Variants in WFIKKN2 observed in about 807,000 individuals in gnomAD.
WFIKKN2 encodes WAP, follistatin/kazal, immunoglobulin, kunitz and netrin domain containing 2.
In WFIKKN2, 25 loss-of-function variants were observed where a neutral mutation model predicts 39.2. The observed-to-expected ratio is 0.64, with a 90% CI of 0.47 to 0.89. The LOEUF (loss-of-function observed/expected upper bound fraction) is 0.89, where lower values mean the gene tolerates loss of function less well. WFIKKN2 is among the 40% of genes least tolerant of loss of function. The probability of loss-of-function intolerance (pLI) is 0.00; values close to 1 mark genes in which losing one functional copy is unlikely to be tolerated. For missense variants in WFIKKN2, 770 were observed against 811.7 expected, an observed-to-expected ratio of 0.95 and a Z score of 0.62; for synonymous variants, 345 against 329.7, an observed-to-expected ratio of 1.05 and a Z score of -0.50.
intron 1 of WFIKKN2, among the ~76,000 whole-genome samples, chr17:50,837,774 G>A (rs1338218247): frequency 6.6e-6 from 1 of 152,266 alleles, no homozygotes; most frequent in Non-Finnish European, 1.5e-5. Context: ...GTGAAAGGAA[G>A]ATAAGAAGTC....
In WFIKKN2 at chr17:50,839,965, C is replaced by T; in HGVS notation, c.677C>T (p.Thr226Ile). 6.2e-7 allele frequency: 1 copy of T among 1,614,146 alleles called. No individual in the cohort carries two copies. The highest frequency in any genetic ancestry group is 8.5e-7 in the Non-Finnish European group (1 of 1,179,968). ...CACCAGTCGGTCACCATGGGTGAGA[C>T]AGTGAGCTTCCTCTGTGATGTGGTG... ...PVHQSVTMGE[T>I]VSFLCDVVGR... The change falls in exon 2 of 2, where the codon ACA (threonine) becomes ATA (isoleucine). Residue 226 changes from threonine to isoleucine, a missense_variant. Coordinates refer to ENST00000311378, the MANE Select transcript of WFIKKN2 (RefSeq NM_175575.6).
chr17:50,837,066 G>A (rs1333571314), intron 1 of WFIKKN2, among the ~76,000 whole-genome samples: 3 of 152,210 alleles, frequency 2.0e-5, no homozygotes, highest in South Asian at 4.1e-4. Context: ...GGCCAGCACC[G>A]TGCCGGGCAC....
Position 50,840,642 on chromosome 17 carries a change from C to G in WFIKKN2, c.1354C>G (p.Gln452Glu). 6.2e-7 allele frequency: 1 copy of G among 1,614,004 alleles called. No individual in the cohort carries two copies. Among genetic ancestry groups the G allele is most frequent in the Non-Finnish European group, 8.5e-7 (1 of 1,180,024 alleles). ...GCGCTGTCGGGCCTGCAAGCCTCGG[C>G]AGAAGCTCGTTACCAGCTTCTGTCG... ...NQRCRACKPR[Q>E]KLVTSFCRSD... is the part of the protein sequence containing the mutation. Residue 452 changes from glutamine to glutamate, a missense_variant, in exon 2 of 2, where the codon CAG becomes GAG. Transcript: ENST00000311378.
At chr17:50,835,546 T>TC (rs1971942811), upstream of WFIKKN2, 1 of 203,182 alleles carries the variant, frequency 4.9e-6, no homozygotes, top group East Asian at 1.1e-4. Context: ...TTTTTTTTTT[T>TC]TCCCCCCTTC....
rs538253485 is a variant in WFIKKN2, at chr17:50,835,705, A to G, written c.-233A>G. 6 of 558,530 alleles carry G rather than the reference A, an allele frequency of 1.1e-5. No individual in the cohort carries two copies. In the East Asian group the frequency reaches 1.8e-4, roughly 17 times the overall value. 34.6% of individuals were successfully genotyped at this position (558,530 alleles called of 1,614,324 possible). ...CTGTGGCTCCTCTCCCTGCACACTC[A>G]GGAGAGGGAGCTTCCTTCTAAAGAC... On this transcript the variant is annotated 5_prime_UTR_variant, in exon 1 of 2. Transcript: ENST00000311378.
At position 50,839,600 on chromosome 17, in the gene WFIKKN2, C is replaced by A. The variant is rs1322282675; in HGVS notation, c.312C>A (p.Gly104=). Residue 104 remains glycine (G), a synonymous_variant, in exon 2 of 2, where the codon GGC becomes GGA. Coordinates refer to ENST00000311378, the MANE Select transcript of WFIKKN2 (RefSeq NM_175575.6). ...MDVKGKKGPV[G]MPKEATCDHF... is the part of the protein sequence containing the mutation. ...TGAAAGGGAAGAAGGGCCCAGTGGG[C>A]ATGCCCAAGGAGGCCACATGTGACC... The A allele has an allele frequency of 4.3e-6, 7 of 1,614,110 alleles. No homozygotes were observed. The African/African-American group carries it at 8.0e-5, about 18-fold the overall frequency.
rs989615165 is a variant in WFIKKN2 at position 50,841,177 on chromosome 17, G to T, written c.*158G>T. 11 of 697,560 alleles carry T rather than the reference G, an allele frequency of 1.6e-5. No individual in the cohort carries two copies. The highest frequency in any genetic ancestry group is 2.2e-5 in the Non-Finnish European group (10 of 446,362). The allele number at this position is 697,560 out of a possible 1,614,324, so 43.2% of individuals were successfully genotyped here. On this transcript the variant is annotated 3_prime_UTR_variant, in exon 2 of 2. Transcript: ENST00000311378. ...AAAAGCCACAGAAGGTCTCAGATCA[G>T]CATCTATTCTTTGGGTTCAATAAGG...
chr17:50,840,259 C>T lies in WFIKKN2; in HGVS notation c.971C>T (p.Pro324Leu), dbSNP rs141860715. 65 of 1,613,832 alleles carry T rather than the reference C, an allele frequency of 4.0e-5. 1 individual carries two copies. Among genetic ancestry groups the T allele is most frequent in the African/African-American group, 4.0e-4 (30 of 74,942 alleles). ...SESSPNGTAF[P>L]AAECLKPPDS... ...AGCAGCCCCAATGGCACGGCTTTCCCGGCGGCCGAGTGCCTGAAGCCCCCA... is the reference window on the plus strand; with the variant it reads ...AGCAGCCCCAATGGCACGGCTTTCCTGGCGGCCGAGTGCCTGAAGCCCCCA... The change falls in exon 2 of 2, where the codon CCG becomes CTG. Residue 324 changes from proline to leucine, a missense_variant. By Grantham distance (98) the Pro-to-Leu change is moderately conservative (BLOSUM62 -3). Coordinates refer to ENST00000311378, the MANE Select transcript of WFIKKN2 (RefSeq NM_175575.6).
Position 50,840,162 on chromosome 17 carries a change from G to C in WFIKKN2, c.874G>C (p.Val292Leu). ...AGIYTCTARNVAGVLRADFPL... is the reference protein window; with the variant it reads ...AGIYTCTARNLAGVLRADFPL... ...GATCTACACCTGCACGGCCCGGAACGTGGCTGGGGTCCTGAGGGCTGATTT... is the reference window on the plus strand; with the variant it reads ...GATCTACACCTGCACGGCCCGGAACCTGGCTGGGGTCCTGAGGGCTGATTT... Residue 292 changes from valine (V) to leucine (L), a missense_variant, in exon 2 of 2, where the codon GTG becomes CTG. By Grantham distance (32) the Val-to-Leu change is conservative. Transcript: ENST00000311378. 6.2e-7 allele frequency: 1 copy of C among 1,613,886 alleles called. No homozygotes were observed. The highest frequency in any genetic ancestry group is 8.5e-7 in the Non-Finnish European group (1 of 1,180,002).
At chr17:50,837,211 T>C (rs377358447) in intron 1 of WFIKKN2, among the ~76,000 whole-genome samples, 1 of 152,166 alleles carries the variant, frequency 6.6e-6, no homozygotes, top group African/African-American at 2.4e-5. Context: ...TTGGAACTCA[T>C]GTCTAACAAG....
At chr17:50,838,517 C>A (rs1186549981) in intron 1 of WFIKKN2, among the ~76,000 whole-genome samples, 1 of 152,204 alleles carries the variant, frequency 6.6e-6, no homozygotes, top group Admixed American at 6.5e-5. Context: ...GAAAACACCA[C>A]GTGAAATCCT....
Position 50,835,840 on chromosome 17 carries a change from G to A in WFIKKN2, c.-98G>A. The stretch of plus-strand genomic sequence containing the variant: ...CTGAGCAGGAAACCTGCTGGGGTGG[G>A]GAGGGCAGGTGTCTGCAGCCCCTGA... On this transcript the variant is annotated 5_prime_UTR_variant, in exon 1 of 2. Transcript: ENST00000311378. The A allele has an allele frequency of 7.5e-7, 1 of 1,334,966 alleles. No homozygotes were observed. Among genetic ancestry groups the A allele is most frequent in the East Asian group, 2.4e-5 (1 of 40,862 alleles). The allele number at this position is 1,334,966 out of a possible 1,614,324, so 82.7% of individuals were successfully genotyped here.
Position 50,839,994 on chromosome 17 carries a change from C to G in WFIKKN2, c.706C>G (p.Arg236Gly), listed in dbSNP as rs191998613. 1 of 1,614,196 alleles carries G rather than the reference C, an allele frequency of 6.2e-7. No individual in the cohort carries two copies. Among genetic ancestry groups the G allele is most frequent in the Non-Finnish European group, 8.5e-7 (1 of 1,180,008 alleles). The change falls in exon 2 of 2, where the codon CGG becomes GGG. Residue 236 changes from arginine (R) to glycine (G), a missense_variant. Arg to Gly is a moderately radical substitution (Grantham distance 125). Transcript: ENST00000311378. ...TVSFLCDVVG[R>G]PRPEITWEKQ... is the part of the protein sequence containing the mutation. ...GAGCTTCCTCTGTGATGTGGTGGGC[C>G]GGCCCCGGCCTGAGATCACCTGGGA...
chr17:50,837,580 G>C (rs1467098420), intron 1 of WFIKKN2, among the ~76,000 whole-genome samples: 1 of 152,202 alleles, frequency 6.6e-6, no homozygotes, highest in Admixed American at 6.5e-5. Flanking sequence ...GTCTCCCAAG[G>C]CTCCAGATCC....
intron 1 of WFIKKN2, among the ~76,000 whole-genome samples, chr17:50,836,948 T>A (rs1203750611): frequency 6.6e-6 from 1 of 152,232 alleles, no homozygotes. Context: ...CAGGGCACCA[T>A]CCTGTCTATT....
rs1971955524 is a variant in WFIKKN2, at chr17:50,836,156, G to A, written c.210+9G>A. The stretch of plus-strand genomic sequence containing the variant: ...AGTGTGAGACGGACCAGGTGAGTGG[G>A]GTCCAGAGACCAGAGATGGACCACG... On this transcript the variant is annotated intron_variant, in intron 1 of 1. Coordinates refer to ENST00000311378, the MANE Select transcript of WFIKKN2 (RefSeq NM_175575.6). 1 of 1,612,118 alleles carries A rather than the reference G, an allele frequency of 6.2e-7. No individual in the cohort carries two copies. The highest frequency in any genetic ancestry group is 1.3e-5 in the African/African-American group (1 of 74,846).
Position 50,835,739 on chromosome 17 carries a change from T to C in WFIKKN2, c.-199T>C, listed in dbSNP as rs1023708502. ...AGCTTCCTTCTAAAGACCTTTCTTT[T>C]ATCTGAAGCCGCACAGCCCGGCAGG... On this transcript the variant is annotated 5_prime_UTR_variant, in exon 1 of 2. Coordinates refer to ENST00000311378, the MANE Select transcript of WFIKKN2 (RefSeq NM_175575.6). 2 of 605,892 alleles carry C rather than the reference T, an allele frequency of 3.3e-6. No individual in the cohort carries two copies. The highest frequency in any genetic ancestry group is 3.7e-5 in the African/African-American group (2 of 54,042). The allele number at this position is 605,892 out of a possible 1,614,324, so 37.5% of individuals were successfully genotyped here.
Position 50,839,947 on chromosome 17 carries a change from CGGTCACCATGGGTGAGACA to C in WFIKKN2, c.661_679del (p.Val221Ter). The stretch of plus-strand genomic sequence containing the variant: ...CTGCTCAACAACCCTGTGCACCAGT[CGGTCACCATGGGTGAGACA>C]GTGAGCTTCCTCTGTGATGTGGTGG... On this transcript the variant is annotated frameshift_variant, in exon 2 of 2. Transcript: ENST00000311378. LOFTEE classifies it high-confidence loss of function. 1.2e-6 allele frequency: 2 copies of C among 1,614,148 alleles called. No individual in the cohort carries two copies. Among genetic ancestry groups the C allele is most frequent in the South Asian group, 2.2e-5 (2 of 91,072 alleles).
Position 50,839,512 on chromosome 17 carries a change from A to G in WFIKKN2, c.224A>G (p.Tyr75Cys). ...ECETDQECET[Y>C]EKCCPNVCGT... ...TGGCTCTTTCAGGAGTGTGAGACCT[A>G]TGAGAAGTGCTGCCCCAACGTATGT... Residue 75 changes from tyrosine to cysteine, a missense_variant, in exon 2 of 2, where the codon TAT becomes TGT. Transcript: ENST00000311378. 4 of 1,613,202 alleles carry G rather than the reference A, an allele frequency of 2.5e-6. No homozygotes were observed. The highest frequency in any genetic ancestry group is 2.5e-6 in the Non-Finnish European group (3 of 1,179,394).
Sources: gnomAD v4.1 joint callset for allele counts (sites outside exome capture counted in the v4.1 genomes callset) on GRCh38, gnomAD v4.1.1 for gene constraint, MANE v1.5 for transcripts, NCBI Gene and HGNC (gene_info 2026-07-23, HGNC 2026-07-21) for gene names.